Variants in WDR70 observed in about 807,000 individuals in gnomAD.
WDR70 encodes WD repeat domain 70, also known as WD repeat-containing protein 70.
WDR70 carries 53 observed loss-of-function variants against 88.6 expected under a neutral mutation model. The ratio of observed to expected loss-of-function variants is 0.60; its 90% CI spans 0.48 to 0.75. The LOEUF (loss-of-function observed/expected upper bound fraction) is 0.75, where lower values mean the gene tolerates loss of function less well. Among genes scored for constraint, WDR70 ranks in the 30% least tolerant of loss-of-function variants. The pLI is 0.00. For missense variants in WDR70, 610 were observed against 823.2 expected, an observed-to-expected ratio of 0.74 and a Z score of 3.17; for synonymous variants, 280 against 270.0, an observed-to-expected ratio of 1.04 and a Z score of -0.36.
intron 2 of WDR70, among the ~76,000 whole-genome samples, chr5:37,380,767 T>A (rs35804017): frequency 6.6e-6 from 1 of 151,896 alleles, no homozygotes; most frequent in Non-Finnish European, 1.5e-5. Flanking sequence ...CCCACCTTAG[T>A]CTCCTGAGTA....
At chr5:37,411,843 T>C (rs1427475810) in intron 5 of WDR70, among the ~76,000 whole-genome samples, 2 of 152,184 alleles carry the variant, frequency 1.3e-5, no homozygotes, top group Admixed American at 6.5e-5. Flanking sequence ...TTGTTTCTTA[T>C]ATGTATTTTA....
chr5:37,742,279 T>C (rs1014662930), intron 17 of WDR70, among the ~76,000 whole-genome samples: 11 of 147,100 alleles, frequency 7.5e-5, no homozygotes, highest in Non-Finnish European at 1.5e-4. Flanking sequence ...TTTTTTTTTT[T>C]CAACAGTAGC....
chr5:37,432,638 C>T (rs1310642515), intron 5 of WDR70, among the ~76,000 whole-genome samples: 5 of 152,010 alleles, frequency 3.3e-5, no homozygotes, highest in South Asian at 2.1e-4. Context: ...CCTTGTGATC[C>T]GCCCACCTCA....
At chr5:37,437,012 T>G (rs776586601) in intron 5 of WDR70, among the ~76,000 whole-genome samples, 2 of 152,160 alleles carry the variant, frequency 1.3e-5, no homozygotes, top group Non-Finnish European at 2.9e-5. Context: ...CTGTAACCTC[T>G]TATGTCTGAT....
At chr5:37,452,677 A>G (rs1277485105) in intron 7 of WDR70, among the ~76,000 whole-genome samples, 2 of 152,218 alleles carry the variant, frequency 1.3e-5, no homozygotes, top group Non-Finnish European at 2.9e-5. Context: ...GATCTGTATT[A>G]TTCCTATATT....
chr5:37,456,491 A>G (rs1314398559), intron 7 of WDR70, among the ~76,000 whole-genome samples: 3 of 152,218 alleles, frequency 2.0e-5, no homozygotes, highest in African/African-American at 7.2e-5. Flanking sequence ...TCTGTTGCTT[A>G]GATAGAAAGA....
intron 10 of WDR70, among the ~76,000 whole-genome samples, chr5:37,621,875 G>A (rs1744513331): frequency 6.6e-6 from 1 of 152,162 alleles, no homozygotes; most frequent in Non-Finnish European, 1.5e-5. Flanking sequence ...TAACACTTAA[G>A]TCTTTAATCT....
intron 9 of WDR70, among the ~76,000 whole-genome samples, chr5:37,532,481 T>C (rs1741526493): frequency 6.6e-6 from 1 of 152,156 alleles, no homozygotes; most frequent in Non-Finnish European, 1.5e-5. Context: ...TTGTCCTTGA[T>C]GGATTGGGTT....
intron 10 of WDR70, among the ~76,000 whole-genome samples, chr5:37,653,028 G>A (rs377482976): frequency 2.6e-5 from 4 of 152,266 alleles, no homozygotes; most frequent in Admixed American, 2.0e-4. Flanking sequence ...GGTTTTCAAA[G>A]GGAATGCTTC....
intron 7 of WDR70, among the ~76,000 whole-genome samples, chr5:37,447,691 A>G (rs1196866949): frequency 2.0e-5 from 3 of 152,212 alleles, no homozygotes; most frequent in African/African-American, 7.2e-5. Flanking sequence ...CCAAGGACAG[A>G]AAACCAAACA....
chr5:37,502,655 T>C (rs1740440125), intron 8 of WDR70, among the ~76,000 whole-genome samples: 1 of 152,100 alleles, frequency 6.6e-6, no homozygotes, highest in Non-Finnish European at 1.5e-5. Flanking sequence ...GACTGGGTAG[T>C]TTATAAGAAA....
intron 5 of WDR70, among the ~76,000 whole-genome samples, chr5:37,432,491 C>A (rs1231462132): frequency 2.6e-5 from 4 of 152,024 alleles, no homozygotes; most frequent in Non-Finnish European, 4.4e-5. Flanking sequence ...TGAGTTCAAG[C>A]GATTCTCCTG....
chr5:37,475,369 G>A (rs936698131), intron 7 of WDR70, among the ~76,000 whole-genome samples: 3 of 151,834 alleles, frequency 2.0e-5, no homozygotes, highest in African/African-American at 7.3e-5. Flanking sequence ...CAAGTAGCTG[G>A]GATTACAGGC....
chr5:37,507,343 T>G (rs1375676846), intron 8 of WDR70, among the ~76,000 whole-genome samples: 1 of 152,248 alleles, frequency 6.6e-6, no homozygotes, highest in Non-Finnish European at 1.5e-5. Context: ...TGAACATTTA[T>G]TGTTTCTATG....
chr5:37,535,684 G>A lies in WDR70; in HGVS notation c.917+19094G>A, dbSNP rs529976262. Among the ~76,000 whole-genome samples the A allele has an allele frequency of 1.2e-4, 18 of 152,268 alleles. No homozygotes were observed. In the South Asian group the frequency reaches 3.5e-3, roughly 30 times the overall value. ...AACATTGGGATACTAGCTCATAATAGTTAACATTTATTGAGAACTTAATAT... is the reference window on the plus strand; with the variant it reads ...AACATTGGGATACTAGCTCATAATAATTAACATTTATTGAGAACTTAATAT... On this transcript the variant is annotated intron_variant, in intron 9 of 17. Transcript: ENST00000265107.
chr5:37,695,601 C>T (rs1196283358), intron 10 of WDR70, among the ~76,000 whole-genome samples: 1 of 152,058 alleles, frequency 6.6e-6, no homozygotes, highest in Non-Finnish European at 1.5e-5. Context: ...GACATGTGGC[C>T]CCCTTCATCT....
intron 5 of WDR70, among the ~76,000 whole-genome samples, chr5:37,430,750 G>A (rs76578988): frequency 0.1 from 15,601 of 151,890 alleles, 896 homozygotes; most frequent in African/African-American, 0.15. Flanking sequence ...TAGTAGTGAC[G>A]GGGTTTCACC....
intron 10 of WDR70, among the ~76,000 whole-genome samples, chr5:37,682,226 A>G (rs991089974): frequency 6.6e-6 from 1 of 152,166 alleles, no homozygotes; most frequent in African/African-American, 2.4e-5. Context: ...GGAAGTATTC[A>G]TAATATTCTC....
In WDR70 at chr5:37,513,874, C is replaced by A. The variant is rs187976175; in HGVS notation, c.841-2640C>A. On this transcript the variant is annotated intron_variant, in intron 8 of 17. Coordinates refer to ENST00000265107, the MANE Select transcript of WDR70 (RefSeq NM_018034.4). ...TGACTCAAATGTTAATCTCCTTTGGCAACACCCCCACAGACACACCCAGGA... is the reference window on the plus strand; with the variant it reads ...TGACTCAAATGTTAATCTCCTTTGGAAACACCCCCACAGACACACCCAGGA... Among the ~76,000 whole-genome samples the A allele has an allele frequency of 2.2e-3, 331 of 152,186 alleles. 1 individual carries two copies. The highest frequency in any genetic ancestry group is 3.1e-3 in the Non-Finnish European group (208 of 68,016).
Sources: gnomAD v4.1 joint callset for allele counts (sites outside exome capture counted in the v4.1 genomes callset) on GRCh38, gnomAD v4.1.1 for gene constraint, MANE v1.5 for transcripts, NCBI Gene and HGNC (gene_info 2026-07-23, HGNC 2026-07-21) for gene names.